ZMYND11: variants seen among roughly 807,000 people sequenced by gnomAD.
ZMYND11 encodes the protein zinc finger MYND domain-containing protein 11.
A neutral mutation model predicts 84.9 loss-of-function variants in ZMYND11; 9 were observed. The ratio of observed to expected loss-of-function variants is 0.11; its 90% CI spans 0.06 to 0.18. The LOEUF is 0.18. Ranked by LOEUF, ZMYND11 falls within the 10% of genes least tolerant of loss-of-function variation. The pLI is 1.00. For synonymous variants in ZMYND11, 250 were observed against 244.1 expected (o/e 1.02, Z -0.23); for missense variants, 409 against 761.0 (o/e 0.54, Z 5.44).
rs1166836107 is a variant in ZMYND11, at chr10:248,887, TGTC to T, written c.1501-15_1501-13del. 1 of 1,596,466 alleles carries T rather than the reference TGTC, an allele frequency of 6.3e-7. No individual in the cohort carries two copies. Among genetic ancestry groups the T allele is most frequent in the Non-Finnish European group, 8.5e-7 (1 of 1,171,040 alleles). ...AGTTGTGTGCTGACGCACTGTGGGT[TGTC>T]TTTTCATTCCAGCTGCGTTCTGAAA... On this transcript the variant is annotated splice_polypyrimidine_tract_variant and intron_variant, in intron 13 of 14. Transcript: ENST00000381604.
At chr10:243,287 T>A (rs976649491) in intron 10 of ZMYND11, among the ~76,000 whole-genome samples, 1 of 152,176 alleles carries the variant, frequency 6.6e-6, no homozygotes, top group Admixed American at 6.5e-5. Context: ...AAATGTCAGC[T>A]TTTATAATAC....
intron 2 of ZMYND11, among the ~76,000 whole-genome samples, chr10:200,205 G>GGTGTGTGTGTCTGTGTGT (rs1942807458): frequency 7.6e-6 from 1 of 132,434 alleles, no homozygotes; most frequent in African/African-American, 2.8e-5. Context: ...GCCTGGCTAG[G>GGTGTGTGTGTCTGTGTGT]GTGTGTGTGT....
chr10:154,624 G>A (rs1466551775), intron 1 of ZMYND11, among the ~76,000 whole-genome samples: 2 of 152,152 alleles, frequency 1.3e-5, no homozygotes, highest in African/African-American at 4.8e-5. Context: ...AATAATTTTA[G>A]CAGGTAGGAA....
rs1950503325 is a variant in ZMYND11, at chr10:239,303, T to G, written c.610-135T>G. 27 of 670,494 alleles carry G rather than the reference T, an allele frequency of 4.0e-5. No individual in the cohort carries two copies. In the South Asian group the frequency reaches 5.6e-4, roughly 14 times the overall value. The allele number at this position is 670,494 out of a possible 1,614,324, so 41.5% of individuals were successfully genotyped here. A position where few individuals can be genotyped will look rare whatever the true frequency, so the allele number is the denominator to read the frequency against. On this transcript the variant is annotated intron_variant, in intron 6 of 14. Transcript: ENST00000381604. ...CGTTGTTGGCTTCTTTTACACACATTCTCTGTCAATACTGTGGGATGGCAG... is the reference window on the plus strand; with the variant it reads ...CGTTGTTGGCTTCTTTTACACACATGCTCTGTCAATACTGTGGGATGGCAG...
At chr10:196,516 A>C (rs1941785548) in intron 2 of ZMYND11, among the ~76,000 whole-genome samples, 1 of 152,202 alleles carries the variant, frequency 6.6e-6, no homozygotes, top group South Asian at 2.1e-4. Context: ...TTTTAACTAC[A>C]CAACTTATTT....
Position 248,720 on chromosome 10 carries a change from ATGACACCAGTATCTT to A in ZMYND11, c.1500+114_1500+128del, listed in dbSNP as rs2131971845. ...AGCAGCTTTTACATGTAGCCATATA[ATGACACCAGTATCTT>A]TTACAGCATTTCAAGTAATAATGAT... is the stretch of plus-strand genomic sequence containing the variant. On this transcript the variant is annotated intron_variant, in intron 13 of 14. Coordinates refer to ENST00000381604, the MANE Select transcript of ZMYND11 (RefSeq NM_001370100.5). The A allele has an allele frequency of 1.1e-5, 15 of 1,411,234 alleles. No individual in the cohort carries two copies. The South Asian group carries it at 2.2e-4, about 21-fold the overall frequency. 87.4% of individuals were successfully genotyped at this position (1,411,234 alleles called of 1,614,324 possible). A position where few individuals can be genotyped will look rare whatever the true frequency, so the allele number is the denominator to read the frequency against.
At chr10:150,894 G>T (rs1840170422) in intron 1 of ZMYND11, among the ~76,000 whole-genome samples, 1 of 152,204 alleles carries the variant, frequency 6.6e-6, no homozygotes, top group Non-Finnish European at 1.5e-5. Flanking sequence ...AGCTTCTAGA[G>T]GAACGATCAG....
At chr10:185,813 C>CAAAA (rs111255034) in intron 2 of ZMYND11, among the ~76,000 whole-genome samples, 2 of 115,574 alleles carry the variant, frequency 1.7e-5, no homozygotes, top group Non-Finnish European at 3.5e-5. Flanking sequence ...AACTCCGTCT[C>CAAAA]AAAAAAACAA....
chr10:170,758 A>G (rs1394526259), intron 1 of ZMYND11, among the ~76,000 whole-genome samples: 1 of 152,184 alleles, frequency 6.6e-6, no homozygotes, highest in Non-Finnish European at 1.5e-5. Flanking sequence ...CACAAAAGGT[A>G]GAAAAAGTGT....
intron 10 of ZMYND11, among the ~76,000 whole-genome samples, chr10:242,826 A>ACAGT (rs1248492667): frequency 1.9e-4 from 29 of 152,312 alleles, no homozygotes; most frequent in African/African-American, 7.0e-4. Context: ...TCATTAATTT[A>ACAGT]ATTTAAACAG....
At chr10:203,601 AAAG>A (rs1287506842) in intron 2 of ZMYND11, among the ~76,000 whole-genome samples, 2 of 152,280 alleles carry the variant, frequency 1.3e-5, no homozygotes, top group East Asian at 3.9e-4. Flanking sequence ...TGAGTCTGAA[AAAG>A]AAGGAGAGGA....
At chr10:223,826 T>G (rs1444002244) in intron 4 of ZMYND11, among the ~76,000 whole-genome samples, 2 of 152,184 alleles carry the variant, frequency 1.3e-5, no homozygotes, top group Admixed American at 6.5e-5. Context: ...GTGTCAAAAC[T>G]TTGAGTAAAG....
chr10:250,302 G>C (rs1564470715), intron 14 of ZMYND11, among the ~76,000 whole-genome samples: 1 of 152,328 alleles, frequency 6.6e-6, no homozygotes, highest in South Asian at 2.1e-4. Flanking sequence ...ATCATTAGAT[G>C]GGAATTAAGG....
chr10:152,955 A>G (rs1317691357), intron 1 of ZMYND11, among the ~76,000 whole-genome samples: 1 of 152,250 alleles, frequency 6.6e-6, no homozygotes, highest in East Asian at 1.9e-4. Context: ...CTGCTCCTGA[A>G]TGACTACTGG....
chr10:138,908 A>T (rs537090325), intron 1 of ZMYND11, among the ~76,000 whole-genome samples: 3 of 152,174 alleles, frequency 2.0e-5, no homozygotes, highest in Non-Finnish European at 4.4e-5. Context: ...CAGTGGCACA[A>T]TCTTGGCTCA....
At chr10:138,367 T>A (rs1232239781) in intron 1 of ZMYND11, among the ~76,000 whole-genome samples, 2 of 152,168 alleles carry the variant, frequency 1.3e-5, no homozygotes, top group African/African-American at 4.8e-5. Context: ...TCCACCTGCC[T>A]TGGCCTCCCA....
intron 3 of ZMYND11, among the ~76,000 whole-genome samples, chr10:210,586 C>G (rs1190505297): frequency 6.6e-6 from 1 of 152,178 alleles, no homozygotes; most frequent in Non-Finnish European, 1.5e-5. Context: ...GAACAGAAAT[C>G]AAATAGGAAA....
intron 2 of ZMYND11, among the ~76,000 whole-genome samples, chr10:200,415 T>TATA (rs1015949466): frequency 1.4e-5 from 2 of 147,324 alleles, no homozygotes; most frequent in African/African-American, 5.0e-5. Flanking sequence ...ACCCTATATA[T>TATA]ATAATAATAT....
chr10:160,808 G>A (rs1554761540), intron 1 of ZMYND11, among the ~76,000 whole-genome samples: 1 of 152,084 alleles, frequency 6.6e-6, no homozygotes, highest in Non-Finnish European at 1.5e-5. Flanking sequence ...ATATCTTCAT[G>A]CTCGACTTCT....
Sources: allele counts gnomAD v4.1 joint callset (sites outside exome capture counted in the v4.1 genomes callset), GRCh38; gene constraint gnomAD v4.1.1; transcripts MANE v1.5; gene names NCBI Gene and HGNC (gene_info 2026-07-23, HGNC 2026-07-21).